Variants in NME8 observed in about 807,000 individuals in gnomAD.
The protein encoded by NME8 is protein NME8.
A neutral mutation model predicts 82.3 loss-of-function variants in NME8; 72 were observed. That is an observed-to-expected ratio of 0.87 (90% CI 0.72 to 1.06). The LOEUF (loss-of-function observed/expected upper bound fraction) is 1.06. Among genes scored for constraint, NME8 ranks in the 50% least tolerant of loss-of-function variants. The pLI is 0.00. For missense variants in NME8, 712 were observed against 685.4 expected, an observed-to-expected ratio of 1.04 and a Z score of -0.43; for synonymous variants, 267 against 228.5, an observed-to-expected ratio of 1.17 and a Z score of -1.52.
At chr7:37,884,866 C>T (rs1785016855) in intron 13 of NME8, among the ~76,000 whole-genome samples, 2 of 152,212 alleles carry the variant, frequency 1.3e-5, no homozygotes. Context: ...GGCTGAAATC[C>T]TGCAAGGGCA....
At chr7:37,867,948 A>G in intron 11 of NME8, 50 bp downstream of exon 11, 1 of 1,539,356 alleles carries the variant, frequency 6.5e-7, no homozygotes, top group Non-Finnish European at 9.0e-7. Flanking sequence ...TTATTGGGTA[A>G]TGAAGCGTAG....
chr7:37,896,919 T>C lies in NME8; in HGVS notation c.1594T>C (p.Trp532Arg). Residue 532 changes from tryptophan to arginine, a missense_variant, in exon 17 of 18, where the codon TGG becomes CGG. Physicochemically the swap from Trp to Arg is moderately radical, Grantham distance 101 (BLOSUM62 -3). Coordinates refer to ENST00000199447, the MANE Select transcript of NME8 (RefSeq NM_016616.5). Reference protein sequence around the residue: ...ILTKWNAVAEWRRLMGPTDPE... With the variant: ...ILTKWNAVAERRRLMGPTDPE... ...GACCAAGTGGAATGCTGTTGCAGAA[T>C]GGAGACGATTGATGGGCCCAACAGA... 6.2e-7 allele frequency: 1 copy of C among 1,613,878 alleles called. No individual in the cohort carries two copies. Among genetic ancestry groups the C allele is most frequent in the Non-Finnish European group, 8.5e-7 (1 of 1,179,870 alleles).
chr7:37,882,303 G>A (rs1156859885), intron 12 of NME8, among the ~76,000 whole-genome samples: 2 of 151,868 alleles, frequency 1.3e-5, no homozygotes, highest in Non-Finnish European at 2.9e-5. Flanking sequence ...CTTGCACAAC[G>A]TGGTGAAACC....
intron 14 of NME8, among the ~76,000 whole-genome samples, chr7:37,887,565 G>A (rs1785063172): frequency 6.6e-6 from 1 of 152,170 alleles, no homozygotes; most frequent in Admixed American, 6.5e-5. Flanking sequence ...GCACAAAGAA[G>A]TTAAGCAGCT....
chr7:37,894,976 G>C (rs1562843471), intron 16 of NME8, among the ~76,000 whole-genome samples: 1 of 151,698 alleles, frequency 6.6e-6, no homozygotes, highest in African/African-American at 2.4e-5. Flanking sequence ...TCAAACCGCT[G>C]CTTCGCCAAC....
intron 11 of NME8, among the ~76,000 whole-genome samples, chr7:37,871,345 A>T (rs1250741456): frequency 6.6e-6 from 1 of 152,192 alleles, no homozygotes; most frequent in African/African-American, 2.4e-5. Context: ...TGTCATTCAC[A>T]TTCCAGCTTC....
chr7:37,857,360 T>A lies in NME8; in HGVS notation c.270+15T>A. 6.6e-7 allele frequency: 1 copy of A among 1,523,546 alleles called. No individual in the cohort carries two copies. Among genetic ancestry groups the A allele is most frequent in the Non-Finnish European group, 9.1e-7 (1 of 1,098,528 alleles). The allele number at this position is 1,523,546 out of a possible 1,614,324, so 94.4% of individuals were successfully genotyped here. A position where few individuals can be genotyped will look rare whatever the true frequency, so the allele number is the denominator to read the frequency against. On this transcript the variant is annotated intron_variant, in intron 6 of 17. Coordinates refer to ENST00000199447, the MANE Select transcript of NME8 (RefSeq NM_016616.5). ...TCTTTAGTGTTGTAAGTATATTTACTTTCTCAATTGCATTATCAGATTCCA... is the reference window on the plus strand; with the variant it reads ...TCTTTAGTGTTGTAAGTATATTTACATTCTCAATTGCATTATCAGATTCCA...
chr7:37,850,598 T>G, intron 4 of NME8, 31 bp from the exon 5 acceptor site: 1 of 1,561,924 alleles, frequency 6.4e-7, no homozygotes, highest in Non-Finnish European at 8.8e-7. Flanking sequence ...TTGGTAGACT[T>G]TGTTATTTCA....
At position 37,848,605 on chromosome 7, in the gene NME8, G is replaced by C. The variant is rs1479389874; in HGVS notation, c.-364G>C. ...TGGGAGGATGGGGGATGGGAGTTTG[G>C]GGATGAGGCAGCTGAAGAACAGAGT... On this transcript the variant is annotated 5_prime_UTR_variant, in exon 1 of 18. Coordinates refer to ENST00000199447, the MANE Select transcript of NME8 (RefSeq NM_016616.5). 6.6e-6 allele frequency: 1 copy of C among 152,438 alleles called. No individual in the cohort carries two copies. Among genetic ancestry groups the C allele is most frequent in the African/African-American group, 2.4e-5 (1 of 41,440 alleles). The allele number at this position is 152,438 out of a possible 1,614,324, so 9.4% of individuals were successfully genotyped here. A position where few individuals can be genotyped will look rare whatever the true frequency, so the allele number is the denominator to read the frequency against.
intron 6 of NME8, among the ~76,000 whole-genome samples, chr7:37,859,812 A>G (rs529611771): frequency 1.7e-4 from 26 of 152,300 alleles, no homozygotes; most frequent in Non-Finnish European, 3.7e-4. Flanking sequence ...CCTGGCTGCT[A>G]ATAAACTTTT....
At chr7:37,884,522 A>G (rs1785012144) in intron 13 of NME8, 75 bp downstream of exon 13, 6 of 1,338,466 alleles carry the variant, frequency 4.5e-6, no homozygotes, top group African/African-American at 1.4e-5. Context: ...TCTGGTTTCT[A>G]TTTAAGCTGC....
intron 10 of NME8, among the ~76,000 whole-genome samples, chr7:37,866,637 C>T (rs1184778825): frequency 6.6e-6 from 1 of 152,128 alleles, no homozygotes; most frequent in Non-Finnish European, 1.5e-5. Flanking sequence ...ACTTCTGCCA[C>T]TTAAAAATGT....
At chr7:37,861,229 C>G (rs987344432) in intron 6 of NME8, among the ~76,000 whole-genome samples, 2 of 152,178 alleles carry the variant, frequency 1.3e-5, no homozygotes, top group African/African-American at 4.8e-5. Context: ...TTTGGCTTCT[C>G]CTGGTTGCTG....
At chr7:37,850,478 C>T (rs767922928) in intron 4 of NME8, 43 bp downstream of exon 4, 31 of 1,605,612 alleles carry the variant, frequency 1.9e-5, no homozygotes, top group South Asian at 4.4e-5. Flanking sequence ...GGGTTTGACC[C>T]GGAGCTCCTC....
At chr7:37,862,445 A>G (rs529651210) in intron 7 of NME8, among the ~76,000 whole-genome samples, 2 of 152,262 alleles carry the variant, frequency 1.3e-5, no homozygotes, top group South Asian at 4.1e-4. Flanking sequence ...ACAGAAGCAT[A>G]TTCATGGCTT....
chr7:37,894,845 T>G (rs1369815711), intron 16 of NME8, among the ~76,000 whole-genome samples: 1 of 151,918 alleles, frequency 6.6e-6, no homozygotes, highest in Non-Finnish European at 1.5e-5. Flanking sequence ...TCTTCCTTCC[T>G]ACTTTCCTTT....
chr7:37,896,111 T>C (rs1274996509), intron 16 of NME8, among the ~76,000 whole-genome samples: 3 of 152,202 alleles, frequency 2.0e-5, no homozygotes, highest in Non-Finnish European at 4.4e-5. Flanking sequence ...TTTTTTCAGT[T>C]CCTGACAATT....
chr7:37,891,753 G>T (rs1467119299), intron 15 of NME8, among the ~76,000 whole-genome samples: 1 of 151,808 alleles, frequency 6.6e-6, no homozygotes, highest in Non-Finnish European at 1.5e-5. Context: ...AAAAACCATG[G>T]TTTTGGGCTG....
chr7:37,894,613 A>G lies in NME8; in HGVS notation c.1544+3A>G, dbSNP rs755133746. ...GATTTATTGGAAATGTTATCTGTGT[A>G]AGTTTCTGATACATAATTGTTTGCA... is the stretch of plus-strand genomic sequence containing the variant. On this transcript the variant is annotated splice_donor_region_variant and intron_variant, in intron 16 of 17. Coordinates refer to ENST00000199447, the MANE Select transcript of NME8 (RefSeq NM_016616.5). The G allele has an allele frequency of 7.6e-6, 12 of 1,583,424 alleles. No individual in the cohort carries two copies. In the East Asian group the frequency reaches 1.6e-4, roughly 21 times the overall value.
Sources: allele counts gnomAD v4.1 joint callset (sites outside exome capture counted in the v4.1 genomes callset), GRCh38; gene constraint gnomAD v4.1.1; transcripts MANE v1.5; gene names NCBI Gene and HGNC (gene_info 2026-07-23, HGNC 2026-07-21).